FTO: variants seen among roughly 807,000 people sequenced by gnomAD.
FTO encodes the protein alpha-ketoglutarate-dependent dioxygenase FTO.
In FTO, 47 loss-of-function variants were observed where a neutral mutation model predicts 63.9. The observed-to-expected ratio is 0.74, with a 90% CI of 0.58 to 0.94. The LOEUF is 0.94. FTO is among the 40% of genes least tolerant of loss of function. FTO has a pLI of 0.00. For missense variants in FTO, 562 were observed against 618.1 expected (o/e 0.91, Z 0.96); for synonymous variants, 207 against 224.4 (o/e 0.92, Z 0.69).
At chr16:54,107,979 C>T (rs560579006) in intron 8 of FTO, among the ~76,000 whole-genome samples, 2 of 152,148 alleles carry the variant, frequency 1.3e-5, no homozygotes, top group Admixed American at 1.3e-4. Flanking sequence ...GCTAGGACAG[C>T]GTGATGTACT....
intron 1 of FTO, among the ~76,000 whole-genome samples, chr16:53,734,372 G>A (rs1294526372): frequency 6.6e-6 from 1 of 152,136 alleles, no homozygotes; most frequent in Non-Finnish European, 1.5e-5. Flanking sequence ...AAATTTGAAA[G>A]GAACAGACAT....
rs1427873371 is a variant in FTO, at chr16:53,751,274, C to T, written c.45+47045C>T. 7.2e-5 allele frequency among the ~76,000 whole-genome samples: 11 copies of T among 151,986 alleles called. 1 individual carries two copies. In the South Asian group the frequency reaches 1.9e-3, roughly 26 times the overall value. ...AAAAAATTTACCATCCTGGCTAACA[C>T]GGTGAAACCCCGTCTCTACTAAAAA... is the stretch of plus-strand genomic sequence containing the variant. On this transcript the variant is annotated intron_variant, in intron 1 of 8. Transcript: ENST00000471389.
At chr16:53,703,967 G>A (rs1971774239), upstream of FTO, 8 of 639,408 alleles carry the variant, frequency 1.3e-5, no homozygotes, top group Middle Eastern at 3.5e-4. Context: ...AGCGGACTAC[G>A]CTCTTCCAGC....
At chr16:53,724,343 G>A (rs1016279371) in intron 1 of FTO, among the ~76,000 whole-genome samples, 2 of 152,206 alleles carry the variant, frequency 1.3e-5, no homozygotes, top group Non-Finnish European at 2.9e-5. Context: ...ATAGTGATCA[G>A]AGCTTAAAGG....
intron 1 of FTO, among the ~76,000 whole-genome samples, chr16:53,793,199 TAA>T (rs1434342029): frequency 2.0e-5 from 3 of 152,216 alleles, no homozygotes; most frequent in African/African-American, 7.2e-5. Context: ...TCTTTGATAT[TAA>T]TATATTTTTC....
At chr16:53,856,399 G>A (rs1222937586) in intron 4 of FTO, among the ~76,000 whole-genome samples, 1 of 149,604 alleles carries the variant, frequency 6.7e-6, no homozygotes, top group African/African-American at 2.5e-5. Context: ...CAAATAAATA[G>A]GACAGCACAC....
intron 7 of FTO, among the ~76,000 whole-genome samples, chr16:53,906,748 A>T (rs1232898999): frequency 1.3e-5 from 2 of 152,124 alleles, no homozygotes; most frequent in Non-Finnish European, 2.9e-5. Flanking sequence ...GATGCAGGTT[A>T]TATAAGGCTT....
At chr16:53,942,857 G>A (rs1260378681) in intron 8 of FTO, among the ~76,000 whole-genome samples, 1 of 152,130 alleles carries the variant, frequency 6.6e-6, no homozygotes, top group Non-Finnish European at 1.5e-5. Flanking sequence ...TGCTTACTCC[G>A]GCACAGCTGG....
intron 6 of FTO, among the ~76,000 whole-genome samples, chr16:53,883,621 T>TA (rs1567396386): frequency 6.7e-5 from 2 of 30,006 alleles, no homozygotes; most frequent in Non-Finnish European, 1.1e-4. Context: ...AAACTCTATC[T>TA]CAAAAAAAAA....
At position 54,074,895 on chromosome 16, in the gene FTO, G is replaced by GGA. The variant is rs71380061; in HGVS notation, c.1365-36845_1365-36844dup. 6.3e-3 allele frequency among the ~76,000 whole-genome samples: 897 copies of GGA among 141,896 alleles called. 4 individuals are homozygous for GGA. The highest frequency in any genetic ancestry group is 8.0e-3 in the Admixed American group (111 of 13,884). The allele number at this position is 141,896 out of a possible 152,430, so 93.1% of individuals were successfully genotyped here. ...TAGCTTTAACCAGAACTGGAAAGAGGGAGAGAGAGAGAGAGAGAGAGAGTG... is the reference window on the plus strand; with the variant it reads ...TAGCTTTAACCAGAACTGGAAAGAGGGAGAGAGAGAGAGAGAGAGAGAGAGTG... On this transcript the variant is annotated intron_variant, in intron 8 of 8. Coordinates refer to ENST00000471389, the MANE Select transcript of FTO (RefSeq NM_001080432.3).
chr16:53,939,608 C>T (rs1332777346), intron 8 of FTO, among the ~76,000 whole-genome samples: 2 of 152,060 alleles, frequency 1.3e-5, no homozygotes, highest in Admixed American at 6.6e-5. Context: ...TGTTAACAGC[C>T]ACCCTCCATT....
intron 3 of FTO, among the ~76,000 whole-genome samples, chr16:53,834,065 C>T (rs1026957245): frequency 1.1e-4 from 16 of 152,008 alleles, no homozygotes; most frequent in South Asian, 6.2e-4. Context: ...CGGTCTGTCA[C>T]CCAGGCTGGA....
chr16:53,952,063 A>T (rs2082814429), intron 8 of FTO, among the ~76,000 whole-genome samples: 1 of 152,212 alleles, frequency 6.6e-6, no homozygotes, highest in Non-Finnish European at 1.5e-5. Context: ...ACTGTATGCC[A>T]GGTACTATTC....
Position 53,826,321 on chromosome 16 carries a change from A to G in FTO, c.581A>G (p.Lys194Arg), listed in dbSNP as rs1257170214. The change falls in exon 3 of 9, where the codon AAG becomes AGG. Residue 194 changes from lysine (K) to arginine (R), a missense_variant. Physicochemically the swap from Lys to Arg is conservative, Grantham distance 26. Coordinates refer to ENST00000471389, the MANE Select transcript of FTO (RefSeq NM_001080432.3). The part of the protein sequence containing the change: ...SYNGQDEVDI[K>R]SRAAYNVTLL... The stretch of plus-strand genomic sequence containing the variant: ...AACGGACAAGATGAAGTGGACATTA[A>G]GAGCAGAGCAGCATACAACGTAACT... 1.2e-6 allele frequency: 2 copies of G among 1,614,220 alleles called. No homozygotes were observed. The highest frequency in any genetic ancestry group is 4.5e-5 in the East Asian group (2 of 44,882).
In FTO at chr16:53,865,007, A is replaced by T. The variant is rs186180979; in HGVS notation, c.896-8779A>T. On this transcript the variant is annotated intron_variant, in intron 4 of 8. Transcript: ENST00000471389. Reference sequence around the variant, plus strand: ...AGTGTTGTGTTTGCCATTTGGCCTGAGTCACTAGGTGACTCAGTGTTCCCC... The same window carrying T: ...AGTGTTGTGTTTGCCATTTGGCCTGTGTCACTAGGTGACTCAGTGTTCCCC... Among the ~76,000 whole-genome samples the T allele has an allele frequency of 3.9e-5, 6 of 152,298 alleles. No individual in the cohort carries two copies. In the East Asian group the frequency reaches 5.8e-4, roughly 15 times the overall value.
At chr16:53,970,990 G>A (rs1251830823) in intron 8 of FTO, among the ~76,000 whole-genome samples, 5 of 152,116 alleles carry the variant, frequency 3.3e-5, no homozygotes, top group African/African-American at 1.2e-4. Context: ...CTATTAATAT[G>A]TTTAGATGTT....
chr16:54,002,883 C>A (rs1477367436), intron 8 of FTO, among the ~76,000 whole-genome samples: 1 of 152,114 alleles, frequency 6.6e-6, no homozygotes, highest in Non-Finnish European at 1.5e-5. Flanking sequence ...TATAGAATTA[C>A]CCTAAAAAGC....
At chr16:53,735,519 A>G (rs1158470466) in intron 1 of FTO, among the ~76,000 whole-genome samples, 1 of 152,222 alleles carries the variant, frequency 6.6e-6, no homozygotes, top group Non-Finnish European at 1.5e-5. Flanking sequence ...GATTCAGCTA[A>G]TCTCAGAAAA....
intron 8 of FTO, among the ~76,000 whole-genome samples, chr16:54,079,713 C>T (rs188665643): frequency 6.6e-6 from 1 of 152,166 alleles, no homozygotes; most frequent in Admixed American, 6.5e-5. Flanking sequence ...AGAGCCTGGA[C>T]GAGTTTCAAA....
Sources: gnomAD v4.1 joint callset for allele counts (sites outside exome capture counted in the v4.1 genomes callset) on GRCh38, gnomAD v4.1.1 for gene constraint, MANE v1.5 for transcripts, NCBI Gene and HGNC (gene_info 2026-07-23, HGNC 2026-07-21) for gene names.